The following KCNH1 variants were observed in gnomAD, a reference collection of about 807,000 sequenced individuals.
KCNH1 encodes the protein voltage-gated delayed rectifier potassium channel KCNH1.
KCNH1 carries 27 observed loss-of-function variants against 69.2 expected under a neutral mutation model. That is an observed-to-expected ratio of 0.39 (90% CI 0.29 to 0.54). The LOEUF (loss-of-function observed/expected upper bound fraction) is 0.54, where lower values mean the gene tolerates loss of function less well. Among genes scored for constraint, KCNH1 ranks in the 20% least tolerant of loss-of-function variants. The probability of loss-of-function intolerance (pLI) is 0.68; values close to 1 mark genes in which losing one functional copy is unlikely to be tolerated. For synonymous variants in KCNH1, 456 were observed against 487.7 expected, an observed-to-expected ratio of 0.93 and a Z score of 0.86; for missense variants, 798 against 1,261.6, an observed-to-expected ratio of 0.63 and a Z score of 5.57.
chr1:210,683,970 G>C lies in KCNH1; in HGVS notation c.2281C>G (p.Leu761Val), dbSNP rs747753570. The change falls in exon 11 of 11, where the codon CTG becomes GTG. Residue 761 changes from leucine to valine, a missense_variant. Transcript: ENST00000271751. This position sits in a 1 kb window ranked among gnomAD's most constrained non-coding sequence, Gnocchi z 5.7. The stretch of plus-strand genomic sequence containing the variant: ...CCCTTCTCCACATCTAGGTCATCCA[G>C]GTCCCGGCCCCCTCTCTCAGCTGCC... Reference protein sequence around the residue: ...RLAAERGGRDLDDLDVEKGNV... With the variant: ...RLAAERGGRDVDDLDVEKGNV... 6.2e-7 allele frequency: 1 copy of C among 1,601,768 alleles called. No individual in the cohort carries two copies. The highest frequency in any genetic ancestry group is 1.3e-5 in the African/African-American group (1 of 74,742).
At chr1:211,087,641 A>ACACACACG (rs1553378399) in intron 4 of KCNH1, among the ~76,000 whole-genome samples, 31 of 38,728 alleles carry the variant, frequency 8.0e-4, no homozygotes, top group African/African-American at 3.9e-3. Context: ...ACACACACGC[A>ACACACACG]CACACACACA....
chr1:211,015,696 C>T (rs1689479282), intron 6 of KCNH1, among the ~76,000 whole-genome samples: 1 of 152,198 alleles, frequency 6.6e-6, no homozygotes, highest in Non-Finnish European at 1.5e-5. Context: ...TGCCTTCAGG[C>T]AGGTATAGTA....
intron 10 of KCNH1, among the ~76,000 whole-genome samples, chr1:210,722,938 T>C (rs1407358504): frequency 1.3e-5 from 2 of 152,242 alleles, no homozygotes; most frequent in African/African-American, 4.8e-5. Context: ...CTTGTCTTGC[T>C]GGGGTTAATG....
intron 6 of KCNH1, among the ~76,000 whole-genome samples, chr1:210,991,350 C>G (rs1371020563): frequency 6.6e-6 from 1 of 152,034 alleles, no homozygotes; most frequent in Non-Finnish European, 1.5e-5. Flanking sequence ...TGAAATAAGC[C>G]AGACACAGAA....
intron 10 of KCNH1, among the ~76,000 whole-genome samples, chr1:210,704,146 C>A (rs907373197): frequency 4.6e-5 from 7 of 152,106 alleles, no homozygotes; most frequent in African/African-American, 1.7e-4. Context: ...CTGGTGCCAC[C>A]TGAGAACATG....
chr1:210,984,078 G>A (rs1688772322), intron 6 of KCNH1, among the ~76,000 whole-genome samples: 1 of 152,052 alleles, frequency 6.6e-6, no homozygotes, highest in Non-Finnish European at 1.5e-5. Context: ...CTGTTTGTCT[G>A]TTATTGGTGT....
intron 7 of KCNH1, among the ~76,000 whole-genome samples, chr1:210,882,573 C>T (rs185643878): frequency 2.3e-4 from 35 of 152,226 alleles, no homozygotes; most frequent in African/African-American, 8.4e-4. Context: ...CCCACCTCCG[C>T]CCCCTTTACT....
chr1:210,694,621 G>GCCCTA (rs541046386), intron 10 of KCNH1, among the ~76,000 whole-genome samples: 9 of 152,330 alleles, frequency 5.9e-5, no homozygotes, highest in African/African-American at 2.2e-4. Context: ...AGCTGGGCAG[G>GCCCTA]CCCTAGTCCC....
At chr1:210,998,338 C>T (rs997501694) in intron 6 of KCNH1, among the ~76,000 whole-genome samples, 1 of 151,520 alleles carries the variant, frequency 6.6e-6, no homozygotes, top group African/African-American at 2.4e-5. Context: ...AAACGGAGAA[C>T]AAAAAAAGGC....
chr1:210,703,875 A>G (rs916713840), intron 10 of KCNH1, among the ~76,000 whole-genome samples: 1 of 152,222 alleles, frequency 6.6e-6, no homozygotes, highest in Non-Finnish European at 1.5e-5. Flanking sequence ...CCAGCCCCAG[A>G]GCAGGAGGGC....
At chr1:210,993,544 A>G (rs1346616513) in intron 6 of KCNH1, among the ~76,000 whole-genome samples, 1 of 152,222 alleles carries the variant, frequency 6.6e-6, no homozygotes, top group East Asian at 1.9e-4. Flanking sequence ...ACTTCAGCTA[A>G]TGTGCAAACC....
At chr1:211,033,763 G>T (rs900683271) in intron 5 of KCNH1, among the ~76,000 whole-genome samples, 1 of 152,012 alleles carries the variant, frequency 6.6e-6, no homozygotes, top group African/African-American at 2.4e-5. Context: ...GGGGCCTGTT[G>T]TGGGGTGGGG....
At chr1:210,723,311 T>C (rs1181819661) in intron 10 of KCNH1, among the ~76,000 whole-genome samples, 1 of 150,976 alleles carries the variant, frequency 6.6e-6, no homozygotes, top group Non-Finnish European at 1.5e-5. Context: ...AAATGTTCTT[T>C]TGTTAGGAGG....
At chr1:210,812,911 T>C (rs1684736653) in intron 7 of KCNH1, among the ~76,000 whole-genome samples, 1 of 152,236 alleles carries the variant, frequency 6.6e-6, no homozygotes, top group Non-Finnish European at 1.5e-5. Flanking sequence ...AGTTATACTC[T>C]TCTGGGTTCA....
intron 7 of KCNH1, among the ~76,000 whole-genome samples, chr1:210,901,742 T>C (rs765427781): frequency 1.3e-5 from 2 of 152,230 alleles, no homozygotes; most frequent in Non-Finnish European, 2.9e-5. Flanking sequence ...GAAGAGCTGC[T>C]TTAGCAGTTC....
intron 7 of KCNH1, among the ~76,000 whole-genome samples, chr1:210,853,837 C>G (rs969065262): frequency 2.0e-5 from 3 of 149,484 alleles, no homozygotes; most frequent in African/African-American, 7.4e-5. Flanking sequence ...TTCTCTTCTG[C>G]CTCTTGTGAA....
intron 6 of KCNH1, among the ~76,000 whole-genome samples, chr1:211,009,758 G>C (rs1025380973): frequency 2.0e-5 from 3 of 152,002 alleles, no homozygotes; most frequent in Non-Finnish European, 4.4e-5. Context: ...AGAGGTGCTT[G>C]CCACCATGCC....
intron 7 of KCNH1, among the ~76,000 whole-genome samples, chr1:210,899,997 T>C (rs1385670066): frequency 6.6e-6 from 1 of 152,164 alleles, no homozygotes; most frequent in African/African-American, 2.4e-5. Context: ...AGGGAAGAAA[T>C]TTTAGGATAA....
At chr1:211,035,655 C>G (rs1207290880) in intron 5 of KCNH1, among the ~76,000 whole-genome samples, 1 of 152,062 alleles carries the variant, frequency 6.6e-6, no homozygotes, top group Non-Finnish European at 1.5e-5. Flanking sequence ...ACCATCTGAC[C>G]TGGGATCTTA....
Sources: gnomAD v4.1 joint callset for allele counts (sites outside exome capture counted in the v4.1 genomes callset) on GRCh38, gnomAD v4.1.1 for gene constraint, Gnocchi (gnomAD v3.1) non-coding constraint, MANE v1.5 for transcripts, NCBI Gene and HGNC (gene_info 2026-07-23, HGNC 2026-07-21) for gene names.